IL17RD: variants seen among roughly 807,000 people sequenced by gnomAD.
IL17RD encodes interleukin-17 receptor D.
Under a neutral mutation model 80.5 loss-of-function variants are expected in IL17RD, and 52 were observed. The ratio of observed to expected loss-of-function variants is 0.65; its 90% CI spans 0.52 to 0.81. IL17RD has a LOEUF of 0.81. Ranked by LOEUF, IL17RD falls within the 40% of genes least tolerant of loss-of-function variation. The probability of loss-of-function intolerance (pLI) is 0.00; values close to 1 mark genes in which losing one functional copy is unlikely to be tolerated. For synonymous variants in IL17RD, 416 were observed against 391.8 expected, an observed-to-expected ratio of 1.06 and a Z score of -0.73; for missense variants, 1,024 against 955.1, an observed-to-expected ratio of 1.07 and a Z score of -0.95.
chr3:57,091,337 A>G lies in IL17RD; in HGVS notation c.*5056T>C, dbSNP rs74560114. 4.7e-3 allele frequency: 711 copies of G among 152,744 alleles called. 3 individuals carry two copies. The highest frequency in any genetic ancestry group is 7.5e-3 in the Admixed American group (115 of 15,304). The allele number at this position is 152,744 out of a possible 1,614,324, so 9.5% of individuals were successfully genotyped here. A position where few individuals can be genotyped will look rare whatever the true frequency, so the allele number is the denominator to read the frequency against. ...CAAGTTATGATAGATGACTATCATC[A>G]GGGGAAAAATGTGGCAGTCAAATAA... On this transcript the variant is annotated 3_prime_UTR_variant, in exon 13 of 13. Coordinates refer to ENST00000296318, the MANE Select transcript of IL17RD (RefSeq NM_017563.5).
upstream of IL17RD, among the ~76,000 whole-genome samples, chr3:57,166,537 C>A (rs370305093): frequency 4.2e-5 from 5 of 119,564 alleles, no homozygotes; most frequent in Admixed American, 8.8e-5. Flanking sequence ...ACAAACAAAC[C>A]TACCACCACC....
At chr3:57,116,054 T>C (rs893479382) in intron 2 of IL17RD, among the ~76,000 whole-genome samples, 1 of 152,216 alleles carries the variant, frequency 6.6e-6, no homozygotes, top group African/African-American at 2.4e-5. Context: ...AACATTCTAA[T>C]GAATACCCTT....
chr3:57,168,342 C>T (rs2060356364), upstream of IL17RD, among the ~76,000 whole-genome samples: 2 of 152,218 alleles, frequency 1.3e-5, no homozygotes, highest in Non-Finnish European at 2.9e-5. Flanking sequence ...GAATTCCCTC[C>T]CATCCACAGC....
intron 10 of IL17RD, among the ~76,000 whole-genome samples, chr3:57,102,206 C>G (rs1706846887): frequency 6.6e-6 from 1 of 152,212 alleles, no homozygotes; most frequent in Admixed American, 6.5e-5. Context: ...GGAAGTCGAG[C>G]CTGCAGTGAG....
At chr3:57,169,281 T>C (rs1296980927), upstream of IL17RD, 1 of 516,858 alleles carries the variant, frequency 1.9e-6, no homozygotes, top group Non-Finnish European at 3.9e-6. Context: ...CAGCCACTCC[T>C]CGTGGTGAGA....
intron 1 of IL17RD, 56 bp from the exon 2 acceptor site, chr3:57,120,369 CA>C: frequency 7.5e-7 from 1 of 1,327,180 alleles, no homozygotes; most frequent in South Asian, 1.2e-5. Context: ...TCTTCCAACA[CA>C]AAGCCCCATG....
intron 1 of IL17RD, among the ~76,000 whole-genome samples, chr3:57,153,713 C>G (rs2060245797): frequency 6.6e-6 from 1 of 152,144 alleles, no homozygotes; most frequent in Admixed American, 6.5e-5. Context: ...TTTCAGAATA[C>G]AAAGGATGGG....
intron 1 of IL17RD, chr3:57,134,138 G>A: frequency 1.6e-6 from 1 of 618,198 alleles, no homozygotes; most frequent in East Asian, 3.1e-5. Context: ...CCACAGCCAT[G>A]AGTATGCTCA....
At position 57,098,010 on chromosome 3, in the gene IL17RD, C is replaced by T. The variant is rs763847815; in HGVS notation, c.1693G>A (p.Val565Ile). 3.1e-6 allele frequency: 5 copies of T among 1,613,894 alleles called. No individual in the cohort carries two copies. The highest frequency in any genetic ancestry group is 3.3e-5 in the Admixed American group (2 of 60,004). The change falls in exon 12 of 13, where the codon GTT becomes ATT. Residue 565 changes from valine (V) to isoleucine (I), a missense_variant. By Grantham distance (29) the Val-to-Ile change is conservative. Transcript: ENST00000296318. Reference protein sequence around the residue: ...EEPDWFEKQFVPFHPPPLRYR... With the variant: ...EEPDWFEKQFIPFHPPPLRYR... ...CGCAGTGGAGGAGGATGGAAGGGAA[C>T]GAACTGCTTTTCGAACCAGTCGGGC...
chr3:57,129,219 C>G (rs539456472), intron 1 of IL17RD, among the ~76,000 whole-genome samples: 3 of 152,120 alleles, frequency 2.0e-5, no homozygotes, highest in Non-Finnish European at 2.9e-5. Flanking sequence ...AGCAAACAAC[C>G]AACCACCCAA....
chr3:57,118,944 A>G (rs1156592385), intron 2 of IL17RD, among the ~76,000 whole-genome samples: 1 of 152,102 alleles, frequency 6.6e-6, no homozygotes, highest in Non-Finnish European at 1.5e-5. Flanking sequence ...AGTGGCTCAC[A>G]CCTGTAATCC....
At position 57,096,471 on chromosome 3, in the gene IL17RD, G is replaced by C; in HGVS notation, c.2142C>G (p.Leu714=). ...EEEPPALPSK[L]LSSGSCKADL... ...CTGCTTTGCATGACCCAGAAGAGAG[G>C]AGCTTGGAAGGAAGGGCAGGAGGTT... The change falls in exon 13 of 13, where the codon CTC becomes CTG. Residue 714 remains leucine, a synonymous_variant. Transcript: ENST00000296318. The C allele has an allele frequency of 6.2e-7, 1 of 1,613,922 alleles. No individual in the cohort carries two copies. The highest frequency in any genetic ancestry group is 8.5e-7 in the Non-Finnish European group (1 of 1,179,798).
In IL17RD at chr3:57,102,555, C is replaced by T; in HGVS notation, c.903G>A (p.Val301=). Residue 301 remains valine (V), a synonymous_variant, in exon 10 of 13, where the codon GTG becomes GTA. Transcript: ENST00000296318. The stretch of plus-strand genomic sequence containing the variant: ...TGACTACCAGTGGCACTGTGATGGC[C>T]ACGGCTCTGATGGGCCCGGCCCACG... ...HSPWAGPIRA[V]AITVPLVVIS... 1 of 1,582,404 alleles carries T rather than the reference C, an allele frequency of 6.3e-7. No individual in the cohort carries two copies. The highest frequency in any genetic ancestry group is 8.6e-7 in the Non-Finnish European group (1 of 1,156,104).
At chr3:57,169,077 C>T (rs1182730284), upstream of IL17RD, among the ~76,000 whole-genome samples, 1 of 152,204 alleles carries the variant, frequency 6.6e-6, no homozygotes, top group African/African-American at 2.4e-5. Flanking sequence ...GGGAGTGGAC[C>T]TCTCTGTCCT....
intron 1 of IL17RD, among the ~76,000 whole-genome samples, chr3:57,160,740 T>C (rs769690389): frequency 6.6e-6 from 1 of 152,210 alleles, no homozygotes; most frequent in African/African-American, 2.4e-5. Flanking sequence ...CTTCTTTGGA[T>C]TGTGGGACCC....
chr3:57,105,849 C>T lies in IL17RD; in HGVS notation c.747+8G>A, dbSNP rs753437215. 6.2e-7 allele frequency: 1 copy of T among 1,612,572 alleles called. No homozygotes were observed. The highest frequency in any genetic ancestry group is 2.2e-5 in the East Asian group (1 of 44,880). ...GCAGTGTTCCTTTATATACACCCAG[C>T]AGCTCACCTGCTTACAGGTCTTTCG... On this transcript the variant is annotated splice_region_variant and intron_variant, in intron 7 of 12. Coordinates refer to ENST00000296318, the MANE Select transcript of IL17RD (RefSeq NM_017563.5).
upstream of IL17RD, chr3:57,169,290 G>A (rs1461361622): frequency 1.9e-6 from 1 of 514,962 alleles, no homozygotes; most frequent in Admixed American, 2.0e-5. Context: ...CTCGTGGTGA[G>A]AGGTGGCTGT....
At position 57,095,375 on chromosome 3, in the gene IL17RD, C is replaced by T. The variant is rs1346575357; in HGVS notation, c.*1018G>A. 4 of 152,138 alleles carry T rather than the reference C, an allele frequency of 2.6e-5. No individual in the cohort carries two copies. The highest frequency in any genetic ancestry group is 4.8e-5 in the African/African-American group (2 of 41,420). 9.4% of individuals were successfully genotyped at this position (152,138 alleles called of 1,614,324 possible). On this transcript the variant is annotated 3_prime_UTR_variant, in exon 13 of 13. Transcript: ENST00000296318. ...TTTGTGACTATCACCTCCATTCTACCATCTTAAAAAGAGGTTTGTCATTAG... is the reference window on the plus strand; with the variant it reads ...TTTGTGACTATCACCTCCATTCTACTATCTTAAAAAGAGGTTTGTCATTAG...
At chr3:57,144,150 A>C (rs1406687353) in intron 1 of IL17RD, among the ~76,000 whole-genome samples, 3 of 152,158 alleles carry the variant, frequency 2.0e-5, no homozygotes, top group Non-Finnish European at 4.4e-5. Context: ...TTCCCAAAAC[A>C]ACTTGTCATC....
Sources: gnomAD v4.1 joint callset for allele counts (sites outside exome capture counted in the v4.1 genomes callset) on GRCh38, gnomAD v4.1.1 for gene constraint, MANE v1.5 for transcripts, NCBI Gene and HGNC (gene_info 2026-07-23, HGNC 2026-07-21) for gene names.